ITGB8: variants seen among roughly 807,000 people sequenced by gnomAD.
ITGB8 encodes integrin beta-8.
A neutral mutation model predicts 89.5 loss-of-function variants in ITGB8; 30 were observed. The observed-to-expected ratio is 0.34, with a 90% CI of 0.25 to 0.45. The LOEUF (loss-of-function observed/expected upper bound fraction) is 0.45. Ranked by LOEUF, ITGB8 falls within the 20% of genes least tolerant of loss-of-function variation. The probability of loss-of-function intolerance (pLI) is 1.00; values close to 1 mark genes in which losing one functional copy is unlikely to be tolerated. For synonymous variants in ITGB8, 335 were observed against 320.4 expected, an observed-to-expected ratio of 1.05 and a Z score of -0.49; for missense variants, 836 against 933.3, an observed-to-expected ratio of 0.90 and a Z score of 1.36.
intron 3 of ITGB8, among the ~76,000 whole-genome samples, chr7:20,377,093 T>G (rs2127957337): frequency 6.6e-6 from 1 of 152,258 alleles, no homozygotes; most frequent in Non-Finnish European, 1.5e-5. Flanking sequence ...CTGAATAGCT[T>G]ACCTCCAAGG....
chr7:20,410,010 A>G lies in ITGB8; in HGVS notation c.*13A>G, dbSNP rs189346744. 2.0e-5 allele frequency: 32 copies of G among 1,604,370 alleles called. No homozygotes were observed. The Admixed American group carries it at 4.5e-4, about 22-fold the overall frequency. ...GTGCAACTTCTAAAAAAAGATTTTT[A>G]AACACTTAATGGGAAACTGGAATTG... On this transcript the variant is annotated 3_prime_UTR_variant, in exon 14 of 14. Coordinates refer to ENST00000222573, the MANE Select transcript of ITGB8 (RefSeq NM_002214.3).
At position 20,331,232 on chromosome 7, in the gene ITGB8, CAACT is replaced by C; in HGVS notation, c.-572_-569del. On this transcript the variant is annotated 5_prime_UTR_variant, in exon 1 of 14. It adds an upstream start codon to the 5' untranslated region. Coordinates refer to ENST00000222573, the MANE Select transcript of ITGB8 (RefSeq NM_002214.3). Reference sequence around the variant, plus strand: ...CTCCGCAGACGGGGCTGCAAAGCTGCAACTAATGGTGTTGGCCTCCCTGCCCACC... The same window carrying C: ...CTCCGCAGACGGGGCTGCAAAGCTGCAATGGTGTTGGCCTCCCTGCCCACC... 4.1e-6 allele frequency: 1 copy of C among 243,960 alleles called. No individual in the cohort carries two copies. The highest frequency in any genetic ancestry group is 5.6e-5 in the Admixed American group (1 of 17,890). 15.1% of individuals were successfully genotyped at this position (243,960 alleles called of 1,614,324 possible).
intron 12 of ITGB8, 60 bp downstream of exon 12, chr7:20,406,231 C>A: frequency 9.7e-7 from 1 of 1,030,524 alleles, no homozygotes; most frequent in Non-Finnish European, 1.5e-6. Flanking sequence ...GATGTTCCCC[C>A]AAAAGACCCA....
chr7:20,387,767 CCTGGT>C (rs982566662), intron 6 of ITGB8, among the ~76,000 whole-genome samples: 9 of 152,060 alleles, frequency 5.9e-5, no homozygotes, highest in Non-Finnish European at 1.2e-4. Context: ...CTTGAGAAAC[CCTGGT>C]CTATGCAGTT....
chr7:20,355,513 C>A (rs1295736267), intron 1 of ITGB8, among the ~76,000 whole-genome samples: 2 of 152,188 alleles, frequency 1.3e-5, no homozygotes, highest in African/African-American at 2.4e-5. Context: ...CACGTTCAGA[C>A]TATCAAACCT....
chr7:20,383,720 T>C (rs1174417667), intron 6 of ITGB8, among the ~76,000 whole-genome samples: 1 of 152,148 alleles, frequency 6.6e-6, no homozygotes, highest in East Asian at 1.9e-4. Context: ...TAGAACCTTA[T>C]GGAAATAAGT....
intron 8 of ITGB8, among the ~76,000 whole-genome samples, chr7:20,395,806 A>G (rs1269883602): frequency 2.6e-5 from 4 of 152,222 alleles, no homozygotes; most frequent in Non-Finnish European, 5.9e-5. Context: ...AAACTTATCA[A>G]AGGTTGTTCA....
rs1203126810 is a variant in ITGB8, at chr7:20,415,721, TTC to T, written c.*5728_*5729del. 6.6e-6 allele frequency: 1 copy of T among 152,446 alleles called. No individual in the cohort carries two copies. The highest frequency in any genetic ancestry group is 2.4e-5 in the African/African-American group (1 of 41,444). 9.4% of individuals were successfully genotyped at this position (152,446 alleles called of 1,614,324 possible). On this transcript the variant is annotated 3_prime_UTR_variant, in exon 14 of 14. Transcript: ENST00000222573. ...GTAGTAGGTGTTAATCAATATGAAA[TTC>T]TCTGTTTTAAAATAAAAATGTAAAA...
chr7:20,356,027 T>A (rs1169492387), intron 1 of ITGB8, among the ~76,000 whole-genome samples: 1 of 152,220 alleles, frequency 6.6e-6, no homozygotes, highest in East Asian at 1.9e-4. Context: ...TTCCCGGTAA[T>A]GTATCTTCTC....
At chr7:20,345,539 T>G (rs1045618117) in intron 1 of ITGB8, among the ~76,000 whole-genome samples, 4 of 152,092 alleles carry the variant, frequency 2.6e-5, no homozygotes, top group African/African-American at 9.7e-5. Flanking sequence ...GACCAGTGTT[T>G]GAGCCAAGCC....
intron 8 of ITGB8, among the ~76,000 whole-genome samples, chr7:20,395,481 T>C (rs923836372): frequency 1.9e-4 from 29 of 152,180 alleles, no homozygotes; most frequent in Non-Finnish European, 3.7e-4. Flanking sequence ...ATCAAAAGAG[T>C]TTGATTAAAA....
At chr7:20,403,721 G>A (rs929254291) in intron 10 of ITGB8, among the ~76,000 whole-genome samples, 7 of 151,824 alleles carry the variant, frequency 4.6e-5, no homozygotes, top group Non-Finnish European at 1.0e-4. Flanking sequence ...GAGAGAGGGA[G>A]CTAAGAAAGG....
chr7:20,407,216 A>C (rs1049922642), intron 12 of ITGB8, among the ~76,000 whole-genome samples: 6 of 151,824 alleles, frequency 4.0e-5, no homozygotes, highest in African/African-American at 1.5e-4. Context: ...GGGGAAAACT[A>C]ACCACTCAGC....
chr7:20,374,931 G>A (rs887962399), intron 3 of ITGB8, among the ~76,000 whole-genome samples: 2 of 152,140 alleles, frequency 1.3e-5, no homozygotes, highest in African/African-American at 2.4e-5. Flanking sequence ...AAAATGAGAC[G>A]ATAGAGGTAG....
chr7:20,339,193 A>G (rs1387663077), intron 1 of ITGB8, among the ~76,000 whole-genome samples: 473 of 1,992 alleles, frequency 0.24, 4 homozygotes, highest in African/African-American at 0.46. Flanking sequence ...TCCATCTCGA[A>G]AAAAAAAAAA....
In ITGB8 at chr7:20,331,640, G is replaced by C. The variant is rs1052802893; in HGVS notation, c.-167G>C. 2.9e-5 allele frequency: 21 copies of C among 719,926 alleles called. 1 individual carries two copies. The highest frequency in any genetic ancestry group is 3.9e-5 in the Non-Finnish European group (19 of 489,040). 44.6% of individuals were successfully genotyped at this position (719,926 alleles called of 1,614,324 possible). On this transcript the variant is annotated 5_prime_UTR_variant, in exon 1 of 14. Transcript: ENST00000222573. ...CCCTGAGATGCCGAGCGGTGCCCGGGCCCGCTTACCTGCACCGCTTGCTCC... is the reference window on the plus strand; with the variant it reads ...CCCTGAGATGCCGAGCGGTGCCCGGCCCCGCTTACCTGCACCGCTTGCTCC...
At chr7:20,333,566 TTAAAG>T (rs909464743) in intron 1 of ITGB8, among the ~76,000 whole-genome samples, 19 of 151,956 alleles carry the variant, frequency 1.3e-4, no homozygotes, top group African/African-American at 4.3e-4. Context: ...AATTTACTAT[TTAAAG>T]TACATTTTTA....
At chr7:20,346,646 G>A (rs1420597669) in intron 1 of ITGB8, 11 of 951,962 alleles carry the variant, frequency 1.2e-5, no homozygotes, top group South Asian at 4.8e-5. Context: ...GAAGTGAGGC[G>A]TTGACTCTAC....
At chr7:20,381,448 C>T (rs180914527) in intron 5 of ITGB8, 5 of 225,326 alleles carry the variant, frequency 2.2e-5, no homozygotes, top group Middle Eastern at 1.4e-3. Context: ...AGGCATGAGC[C>T]ACCGTGCCTG....
Sources: gnomAD v4.1 joint callset for allele counts (sites outside exome capture counted in the v4.1 genomes callset) on GRCh38, gnomAD v4.1.1 for gene constraint, MANE v1.5 for transcripts, NCBI Gene and HGNC (gene_info 2026-07-23, HGNC 2026-07-21) for gene names.